Variants in HLCS observed in about 807,000 individuals in gnomAD.
The protein encoded by HLCS is biotin--protein ligase.
Under a neutral mutation model 75.0 loss-of-function variants are expected in HLCS, and 53 were observed. That is an observed-to-expected ratio of 0.71 (90% CI 0.57 to 0.89). HLCS has a LOEUF of 0.89. Among genes scored for constraint, HLCS ranks in the 40% least tolerant of loss-of-function variants. The pLI is 0.00. For missense variants in HLCS, 966 were observed against 1,074.0 expected, an observed-to-expected ratio of 0.90 and a Z score of 1.41; for synonymous variants, 431 against 428.6, an observed-to-expected ratio of 1.01 and a Z score of -0.07.
rs780238318 is a variant in HLCS, at chr21:36,936,648, G to A, written c.1238C>T (p.Thr413Ile). 7 of 1,614,110 alleles carry A rather than the reference G, an allele frequency of 4.3e-6. No individual in the cohort carries two copies. The highest frequency in any genetic ancestry group is 5.9e-6 in the Non-Finnish European group (7 of 1,180,054). Residue 413 changes from threonine (T) to isoleucine (I), a missense_variant, in exon 4 of 11, where the codon ACA (threonine) becomes ATA (isoleucine). Thr to Ile is a moderately conservative substitution (Grantham distance 89, BLOSUM62 -1). Transcript: ENST00000674895. ...CTTGGAGAAAACCAAGTTCTGGACT[G>A]TCTTGTGCAGTGCACCCTTGCTTGT... is the stretch of plus-strand genomic sequence containing the variant. ...QVTSKGALHK[T>I]VQNLVFSKAD...
chr21:36,784,450 G>T (rs2060629041), intron 6 of HLCS, among the ~76,000 whole-genome samples: 1 of 151,842 alleles, frequency 6.6e-6, no homozygotes, highest in East Asian at 1.9e-4. Flanking sequence ...TAAGTAGCTG[G>T]GACTACAGGC....
At position 36,754,434 on chromosome 21, in the gene HLCS, G is replaced by C; in HGVS notation, c.2451-17C>G. On this transcript the variant is annotated splice_polypyrimidine_tract_variant and intron_variant, in intron 10 of 10. Coordinates refer to ENST00000674895, the MANE Select transcript of HLCS (RefSeq NM_001352514.2). ...TGCTGACCACTGAAAAGGAAGAACA[G>C]CGTGCGGTCACTGGGAGGTGTCACA... 1 of 1,608,418 alleles carries C rather than the reference G, an allele frequency of 6.2e-7. No individual in the cohort carries two copies.
Position 36,936,818 on chromosome 21 carries a change from C to T in HLCS, c.1068G>A (p.Pro356=), listed in dbSNP as rs73196003. ...HLLEDSALRD[P]WTDNCLLLVI... is the part of the protein sequence containing the mutation. The stretch of plus-strand genomic sequence containing the variant: ...CCAACAGCAGACAGTTGTCCGTCCA[C>T]GGGTCTCTGAGAGCACTGTCCTCCA... The change falls in exon 4 of 11, where the codon CCG becomes CCA. Residue 356 remains proline (P), a synonymous_variant. Coordinates refer to ENST00000674895, the MANE Select transcript of HLCS (RefSeq NM_001352514.2). The T allele has an allele frequency of 1.2e-5, 20 of 1,614,158 alleles. No individual in the cohort carries two copies. Among genetic ancestry groups the T allele is most frequent in the African/African-American group, 6.7e-5 (5 of 75,044 alleles).
At chr21:36,759,505 G>A (rs2089742052) in intron 9 of HLCS, among the ~76,000 whole-genome samples, 1 of 152,178 alleles carries the variant, frequency 6.6e-6, no homozygotes, top group African/African-American at 2.4e-5. Flanking sequence ...TGTTTGATGT[G>A]ATACCACTTT....
chr21:36,800,776 C>T (rs2061175378), intron 6 of HLCS, among the ~76,000 whole-genome samples: 1 of 152,096 alleles, frequency 6.6e-6, no homozygotes. Flanking sequence ...ATTCTCTTTC[C>T]ATCATCTGTT....
At chr21:36,909,077 T>C (rs796764466) in intron 5 of HLCS, among the ~76,000 whole-genome samples, 9 of 152,138 alleles carry the variant, frequency 5.9e-5, no homozygotes, top group African/African-American at 2.2e-4. Context: ...GTGCCTGTAG[T>C]CCCAGCTACT....
At position 36,759,838 on chromosome 21, in the gene HLCS, T is replaced by C. The variant is rs1568966949; in HGVS notation, c.2125A>G (p.Ile709Val). The change falls in exon 9 of 11, where the codon ATC becomes GTC. Residue 709 changes from isoleucine to valine, a missense_variant. Ile to Val is a conservative substitution (Grantham distance 29, BLOSUM62 3). Transcript: ENST00000674895. ...AVRSIPEYQDINLRVKWPNDI... is the reference protein window; with the variant it reads ...AVRSIPEYQDVNLRVKWPNDI... ...TTGGGCCACTTCACTCGTAAGTTGA[T>C]ATCCTAAAGGGAAATCTGCACATTA... is the stretch of plus-strand genomic sequence containing the variant. 1 of 1,592,204 alleles carries C rather than the reference T, an allele frequency of 6.3e-7. No homozygotes were observed. The highest frequency in any genetic ancestry group is 1.3e-5 in the African/African-American group (1 of 74,582).
At chr21:36,804,286 T>C (rs1388423791) in intron 6 of HLCS, 1 of 152,420 alleles carries the variant, frequency 6.6e-6, no homozygotes, top group African/African-American at 2.4e-5. Context: ...ACACTCTGCC[T>C]CACTGACAAG....
At chr21:36,944,674 C>A (rs985449943) in intron 2 of HLCS, among the ~76,000 whole-genome samples, 2 of 152,088 alleles carry the variant, frequency 1.3e-5, no homozygotes, top group Admixed American at 6.5e-5. Context: ...ACTAAGTGGA[C>A]AGTTGGCTTA....
intron 6 of HLCS, among the ~76,000 whole-genome samples, chr21:36,827,501 G>A (rs1182402283): frequency 1.3e-5 from 2 of 150,644 alleles, no homozygotes; most frequent in Non-Finnish European, 3.0e-5. Flanking sequence ...TTGAACCTGG[G>A]AGGTGGAGGT....
At chr21:36,781,300 A>G (rs1483402945) in intron 6 of HLCS, among the ~76,000 whole-genome samples, 1 of 150,652 alleles carries the variant, frequency 6.6e-6, no homozygotes, top group African/African-American at 2.4e-5. Context: ...TTTTTAGTCT[A>G]AGTGCATTAA....
chr21:36,988,317 ACT>A lies in HLCS; in HGVS notation c.-393+1839_-393+1840del, dbSNP rs199758623. On this transcript the variant is annotated intron_variant, in intron 1 of 11. Coordinates refer to the HLCS transcript ENST00000336648. ...CACACAAAAAGTAGCCTAACACAGTACTCTCTGTTTAACTTTTGTTCACTTCC... is the reference window on the plus strand; with the variant it reads ...CACACAAAAAGTAGCCTAACACAGTACTCTGTTTAACTTTTGTTCACTTCC... Among the ~76,000 whole-genome samples, 1,457 of 152,182 alleles carry A rather than the reference ACT, an allele frequency of 9.6e-3. 21 individuals are homozygous for A. Among genetic ancestry groups the A allele is most frequent in the African/African-American group, 0.033 (1,349 of 41,488 alleles).
chr21:36,949,609 A>G (rs7281321), intron 2 of HLCS, among the ~76,000 whole-genome samples: 85,451 of 152,050 alleles, frequency 0.56, 24,262 homozygotes, highest in East Asian at 0.64. Flanking sequence ...AAGTGACTCC[A>G]CCTCTCAATA....
intron 2 of HLCS, among the ~76,000 whole-genome samples, chr21:36,954,746 A>C (rs1028945586): frequency 1.3e-5 from 2 of 151,598 alleles, no homozygotes; most frequent in Non-Finnish European, 2.9e-5. Context: ...TACTTATTAA[A>C]AAAACAAAAC....
At chr21:36,875,358 A>G (rs1046648333) in intron 6 of HLCS, among the ~76,000 whole-genome samples, 4 of 152,158 alleles carry the variant, frequency 2.6e-5, no homozygotes, top group Non-Finnish European at 2.9e-5. Context: ...CCAGCCAGGG[A>G]CACCCAAGGA....
chr21:36,921,184 C>T (rs978428455), intron 5 of HLCS, among the ~76,000 whole-genome samples: 5 of 152,308 alleles, frequency 3.3e-5, no homozygotes, highest in Admixed American at 6.5e-5. Context: ...CAGTGGCTCA[C>T]GCCTGTAATC....
At chr21:36,837,953 G>C (rs1432911460) in intron 6 of HLCS, among the ~76,000 whole-genome samples, 1 of 152,114 alleles carries the variant, frequency 6.6e-6, no homozygotes, top group Non-Finnish European at 1.5e-5. Context: ...CTTAGGTAAT[G>C]ACCATTTATA....
chr21:36,827,573 C>CAA (rs111359900), intron 6 of HLCS, among the ~76,000 whole-genome samples: 1,564 of 105,652 alleles, frequency 0.015, 30 homozygotes, highest in African/African-American at 0.047. Flanking sequence ...GACTCCATCT[C>CAA]AAAAAAAAAA....
At chr21:36,968,214 C>T (rs1248326825), upstream of HLCS, among the ~76,000 whole-genome samples, 2 of 152,044 alleles carry the variant, frequency 1.3e-5, no homozygotes, top group African/African-American at 2.4e-5. Context: ...GTCTCAAACT[C>T]CTGGTCTCGA....
Sources: allele counts gnomAD v4.1 joint callset (sites outside exome capture counted in the v4.1 genomes callset), GRCh38; gene constraint gnomAD v4.1.1; transcripts MANE v1.5; gene names NCBI Gene and HGNC (gene_info 2026-07-23, HGNC 2026-07-21).